The following SCN9A variants were observed in gnomAD, a reference collection of about 807,000 sequenced individuals.
SCN9A encodes the protein sodium voltage-gated channel alpha subunit 9, also known as sodium channel protein type 9 subunit alpha.
SCN9A carries 131 observed loss-of-function variants against 187.0 expected under a neutral mutation model. That is an observed-to-expected ratio of 0.70 (90% CI 0.61 to 0.81). SCN9A has a LOEUF of 0.81. Among genes scored for constraint, SCN9A ranks in the 30% least tolerant of loss-of-function variants. The pLI is 0.00. For missense variants in SCN9A, 2,252 were observed against 2,396.6 expected (o/e 0.94, Z 1.26); for synonymous variants, 809 against 808.6 (o/e 1.00, Z -0.01).
intron 1 of SCN9A, among the ~76,000 whole-genome samples, chr2:166,319,847 G>C (rs1373523917): frequency 6.6e-6 from 1 of 152,098 alleles, no homozygotes; most frequent in Admixed American, 6.6e-5. Context: ...AAAAGTTGGA[G>C]AGCTGACCCC....
intron 4 of SCN9A, among the ~76,000 whole-genome samples, 159 bp from the exon 5 acceptor site, chr2:166,306,079 C>A (rs1340003969): frequency 6.6e-6 from 1 of 151,884 alleles, no homozygotes; most frequent in African/African-American, 2.4e-5. Context: ...TAGGTCTATC[C>A]AGAAAATATT....
chr2:166,204,320 T>C (rs1165387319), intron 25 of SCN9A, 40 bp downstream of exon 25: 1 of 1,564,892 alleles, frequency 6.4e-7, no homozygotes, highest in East Asian at 2.3e-5. Context: ...TTAGAAATAA[T>C]TTGAAAATCT....
intron 10 of SCN9A, among the ~76,000 whole-genome samples, chr2:166,287,724 A>G (rs1697833962): frequency 6.6e-6 from 1 of 152,016 alleles, no homozygotes; most frequent in South Asian, 2.1e-4. Flanking sequence ...AGGATTAAGG[A>G]GGAAACTTTC....
intron 19 of SCN9A, 51 bp from the exon 20 acceptor site, chr2:166,238,318 T>C: frequency 8.2e-7 from 1 of 1,219,502 alleles, no homozygotes; most frequent in Non-Finnish European, 1.1e-6. Context: ...AGCTTCATGA[T>C]TCATTTAAAA....
chr2:166,233,468 A>C lies in SCN9A; in HGVS notation c.3802-6T>G, dbSNP rs1695184845. 2 of 1,558,700 alleles carry C rather than the reference A, an allele frequency of 1.3e-6. No individual in the cohort carries two copies. The highest frequency in any genetic ancestry group is 2.3e-5 in the East Asian group (1 of 43,142). On this transcript the variant is annotated splice_region_variant and splice_polypyrimidine_tract_variant and intron_variant, in intron 20 of 26. Coordinates refer to ENST00000642356, the MANE Select transcript of SCN9A (RefSeq NM_001365536.1). Reference sequence around the variant, plus strand: ...ACTAAAGTAACCAAAGAAACCTATAAAAATAACATTTTCATTAATTGTGTC... The same window carrying C: ...ACTAAAGTAACCAAAGAAACCTATACAAATAACATTTTCATTAATTGTGTC...
chr2:166,288,845 C>A (rs1422341072), intron 9 of SCN9A, among the ~76,000 whole-genome samples: 2 of 152,046 alleles, frequency 1.3e-5, no homozygotes, highest in Non-Finnish European at 2.9e-5. Context: ...TATGCTTGTA[C>A]TAAAGTCATG....
At chr2:166,260,896 G>A (rs893893053) in intron 17 of SCN9A, among the ~76,000 whole-genome samples, 1 of 151,794 alleles carries the variant, frequency 6.6e-6, no homozygotes, top group Non-Finnish European at 1.5e-5. Context: ...GTATTATGTT[G>A]AGCCACATGA....
At chr2:166,343,728 T>C (rs961757521) in intron 1 of SCN9A, among the ~76,000 whole-genome samples, 1 of 152,022 alleles carries the variant, frequency 6.6e-6, no homozygotes, top group Admixed American at 6.6e-5. Flanking sequence ...CCCCTGGGGA[T>C]GGAGGTTGCA....
rs1436552634 is a variant in SCN9A at position 166,195,258 on chromosome 2, A to C, written c.*3414T>G. The C allele has an allele frequency of 6.6e-6, 1 of 152,228 alleles. No individual in the cohort carries two copies. The highest frequency in any genetic ancestry group is 1.5e-5 in the Non-Finnish European group (1 of 68,032). 9.4% of individuals were successfully genotyped at this position (152,228 alleles called of 1,614,324 possible). ...TCTCAAGTATAACTACAATATAACT[A>C]CAATATAATTTATGGCAAACTCAAA... On this transcript the variant is annotated 3_prime_UTR_variant, in exon 27 of 27. Coordinates refer to ENST00000642356, the MANE Select transcript of SCN9A (RefSeq NM_001365536.1).
chr2:166,326,013 A>T (rs758373659), intron 1 of SCN9A, among the ~76,000 whole-genome samples: 1 of 152,154 alleles, frequency 6.6e-6, no homozygotes, highest in Non-Finnish European at 1.5e-5. Context: ...GAGATGAGAG[A>T]GGCAATGTTT....
chr2:166,365,229 AAT>A (rs1303886351), intron 1 of SCN9A, among the ~76,000 whole-genome samples: 1 of 152,212 alleles, frequency 6.6e-6, no homozygotes, highest in Non-Finnish European at 1.5e-5. Flanking sequence ...AGGACATTTA[AAT>A]ATAAATACAT....
At chr2:166,318,447 A>T (rs895270316) in intron 1 of SCN9A, among the ~76,000 whole-genome samples, 3 of 152,172 alleles carry the variant, frequency 2.0e-5, no homozygotes, top group Non-Finnish European at 2.9e-5. Context: ...ACCAAACATA[A>T]AATTGAAAGA....
intron 24 of SCN9A, among the ~76,000 whole-genome samples, chr2:166,222,955 A>AAAAAAAAAAAAAAAAAAG (rs1694675021): frequency 7.9e-6 from 1 of 125,938 alleles, no homozygotes; most frequent in African/African-American, 3.1e-5. Flanking sequence ...CAAAAAAAAA[A>AAAAAAAAAAAAAAAAAAG]AAAAAAAAAA....
intron 5 of SCN9A, 61 bp from the exon 6 acceptor site, chr2:166,304,390 C>A: frequency 2.1e-6 from 3 of 1,425,812 alleles, no homozygotes; most frequent in Non-Finnish European, 2.9e-6. Flanking sequence ...TTACCTGAGC[C>A]TTTAGTCAAG....
At chr2:166,238,646 C>T (rs6758751) in intron 19 of SCN9A, among the ~76,000 whole-genome samples, 131,060 of 152,128 alleles carry the variant, frequency 0.86, 56,539 homozygotes, top group East Asian at 0.95. Context: ...AAACTTTTCA[C>T]ATCCTACACT....
chr2:166,231,254 T>C (rs1695071062), intron 21 of SCN9A, among the ~76,000 whole-genome samples: 1 of 152,214 alleles, frequency 6.6e-6, no homozygotes, highest in Non-Finnish European at 1.5e-5. Flanking sequence ...TAATACCACC[T>C]TTCTGCACAA....
rs185537565 is a variant in SCN9A, at chr2:166,263,604, G to A, written c.3351+8795C>T. 1.1e-4 allele frequency among the ~76,000 whole-genome samples: 16 copies of A among 152,084 alleles called. No homozygotes were observed. In the East Asian group the frequency reaches 2.7e-3, roughly 26 times the overall value. ...TATCAATAACCATCTAGTCTTCTAA[G>A]TCAAAATTCTTTGTTGTGGGTTGAA... On this transcript the variant is annotated intron_variant, in intron 17 of 26. Transcript: ENST00000642356.
chr2:166,325,047 A>G (rs1367283939), intron 1 of SCN9A, among the ~76,000 whole-genome samples: 2 of 152,146 alleles, frequency 1.3e-5, no homozygotes, highest in Non-Finnish European at 2.9e-5. Context: ...TAACAGGGGA[A>G]ACTGGATGTG....
chr2:166,286,012 T>G (rs1373723326), intron 11 of SCN9A, among the ~76,000 whole-genome samples: 1 of 152,160 alleles, frequency 6.6e-6, no homozygotes, highest in Non-Finnish European at 1.5e-5. Flanking sequence ...AAACACAGAC[T>G]AAATACAAAT....
Sources: allele counts gnomAD v4.1 joint callset (sites outside exome capture counted in the v4.1 genomes callset), GRCh38; gene constraint gnomAD v4.1.1; transcripts MANE v1.5; gene names NCBI Gene and HGNC (gene_info 2026-07-23, HGNC 2026-07-21).